CNTN1: variants seen among roughly 807,000 people sequenced by gnomAD.
The protein encoded by CNTN1 is contactin-1.
CNTN1 carries 38 observed loss-of-function variants against 126.4 expected under a neutral mutation model. The ratio of observed to expected loss-of-function variants is 0.30; its 90% CI spans 0.23 to 0.39. The LOEUF (loss-of-function observed/expected upper bound fraction) is 0.39, where lower values mean the gene tolerates loss of function less well. CNTN1 is among the 10% of genes least tolerant of loss of function. The pLI, the probability that CNTN1 is intolerant of heterozygous loss-of-function variation, is 1.00. For synonymous variants in CNTN1, 413 were observed against 422.6 expected (o/e 0.98, Z 0.28); for missense variants, 1,009 against 1,248.4 (o/e 0.81, Z 2.89).
chr12:40,782,547 A>G (rs547591656), intron 1 of CNTN1, among the ~76,000 whole-genome samples: 1 of 151,948 alleles, frequency 6.6e-6, no homozygotes, highest in East Asian at 1.9e-4. Context: ...ACTTTGGATC[A>G]TTTCTAGTGT....
intron 10 of CNTN1, among the ~76,000 whole-genome samples, chr12:40,937,253 T>TA (rs1260834474): frequency 1.3e-5 from 2 of 152,070 alleles, no homozygotes; most frequent in African/African-American, 4.8e-5. Context: ...AGTGAAGCTC[T>TA]AAGTCCTACC....
At chr12:41,049,422 A>C (rs1272287962) in intron 23 of CNTN1, among the ~76,000 whole-genome samples, 2 of 152,186 alleles carry the variant, frequency 1.3e-5, no homozygotes, top group African/African-American at 4.8e-5. Flanking sequence ...AAGTATCTCC[A>C]ATCTTCTTTG....
intron 1 of CNTN1, among the ~76,000 whole-genome samples, chr12:40,877,955 C>A (rs142341601): frequency 1.9e-4 from 28 of 150,610 alleles, no homozygotes; most frequent in African/African-American, 6.6e-4. Flanking sequence ...CTATCTTCAC[C>A]TCTTCCTTCC....
At chr12:40,710,793 A>G (rs1333761128) in intron 1 of CNTN1, among the ~76,000 whole-genome samples, 5 of 152,286 alleles carry the variant, frequency 3.3e-5, no homozygotes, top group South Asian at 2.1e-4. Flanking sequence ...TCTAAAAAGA[A>G]TACTGCAAAA....
intron 1 of CNTN1, among the ~76,000 whole-genome samples, chr12:40,740,647 AT>A (rs1937903706): frequency 6.6e-6 from 1 of 151,974 alleles, no homozygotes; most frequent in Non-Finnish European, 1.5e-5. Context: ...CCCTCCTGAT[AT>A]GGTTTTATTG....
intron 1 of CNTN1, among the ~76,000 whole-genome samples, chr12:40,785,413 C>T (rs1285281074): frequency 1.3e-5 from 2 of 152,124 alleles, no homozygotes; most frequent in Non-Finnish European, 2.9e-5. Context: ...TACTGTCTCA[C>T]CTGTCTGTGT....
At chr12:40,991,466 A>C (rs1354870009) in intron 16 of CNTN1, among the ~76,000 whole-genome samples, 3 of 152,036 alleles carry the variant, frequency 2.0e-5, no homozygotes, top group African/African-American at 7.2e-5. Context: ...GGGTGGAGAA[A>C]GGTACCATTT....
At chr12:40,959,053 T>C in intron 14 of CNTN1, 61 bp from the exon 15 acceptor site, 1 of 1,606,884 alleles carries the variant, frequency 6.2e-7, no homozygotes, top group East Asian at 2.2e-5. Context: ...TCTTGGATCT[T>C]AAATGCCACA....
intron 1 of CNTN1, among the ~76,000 whole-genome samples, chr12:40,800,044 G>A (rs186225481): frequency 2.6e-5 from 4 of 152,106 alleles, no homozygotes; most frequent in African/African-American, 9.6e-5. Flanking sequence ...AGGTGATATA[G>A]TTTGGTTCTG....
At chr12:40,764,374 T>C (rs557093942) in intron 1 of CNTN1, among the ~76,000 whole-genome samples, 6 of 152,214 alleles carry the variant, frequency 3.9e-5, no homozygotes, top group Non-Finnish European at 5.9e-5. Flanking sequence ...AATGCTGAGA[T>C]GAACTAATGG....
chr12:40,796,612 A>G (rs1287886617), intron 1 of CNTN1, among the ~76,000 whole-genome samples: 3 of 152,094 alleles, frequency 2.0e-5, no homozygotes, highest in Non-Finnish European at 2.9e-5. Flanking sequence ...AAATGAAGAC[A>G]TCAAGCTGGA....
At position 40,882,050 on chromosome 12, in the gene CNTN1, G is replaced by A. The variant is rs564087388; in HGVS notation, c.-76-26307G>A. ...GAAGAGATGAAGATAGGAGGATGGG[G>A]GCTTTAATAGGCATCAGATGTTGAG... On this transcript the variant is annotated intron_variant, in intron 1 of 23. Transcript: ENST00000551295. 3.3e-5 allele frequency among the ~76,000 whole-genome samples: 5 copies of A among 151,586 alleles called. No individual in the cohort carries two copies. The East Asian group carries it at 9.7e-4, about 29-fold the overall frequency.
chr12:41,014,204 C>T (rs1229828947), intron 17 of CNTN1, 24 bp from the exon 18 acceptor site: 2 of 1,611,008 alleles, frequency 1.2e-6, no homozygotes, highest in African/African-American at 2.7e-5. Flanking sequence ...TGTTGTTTTG[C>T]ATATATTTGT....
At chr12:40,952,960 A>G (rs11179173) in intron 14 of CNTN1, among the ~76,000 whole-genome samples, 59,897 of 151,986 alleles carry the variant, frequency 0.39, 11,959 homozygotes, top group African/African-American at 0.44. Context: ...TGAATGGAAC[A>G]AATTATTTAA....
chr12:40,972,596 A>T (rs1168353598), intron 15 of CNTN1: 2 of 800,768 alleles, frequency 2.5e-6, no homozygotes, highest in Non-Finnish European at 3.0e-6. Context: ...TTTATTAGTC[A>T]TCATAAAGAA....
At chr12:40,844,477 C>G (rs1942427101) in intron 1 of CNTN1, among the ~76,000 whole-genome samples, 1 of 152,042 alleles carries the variant, frequency 6.6e-6, no homozygotes, top group African/African-American at 2.4e-5. Flanking sequence ...ATATGAATGC[C>G]TTTAAGCAAA....
At chr12:41,055,864 C>T (rs1949791047) in intron 23 of CNTN1, among the ~76,000 whole-genome samples, 2 of 152,136 alleles carry the variant, frequency 1.3e-5, no homozygotes, top group African/African-American at 4.8e-5. Context: ...CACACAGGGA[C>T]ATTACAGCCA....
intron 3 of CNTN1, among the ~76,000 whole-genome samples, chr12:40,917,818 C>A (rs781444141): frequency 1.3e-5 from 2 of 152,082 alleles, no homozygotes; most frequent in Admixed American, 1.3e-4. Flanking sequence ...GGAGAATAGA[C>A]CATGAGGAAT....
At chr12:40,735,781 C>A (rs1937648586) in intron 1 of CNTN1, among the ~76,000 whole-genome samples, 1 of 152,050 alleles carries the variant, frequency 6.6e-6, no homozygotes, top group Non-Finnish European at 1.5e-5. Context: ...CACAGCCAGC[C>A]AAATGCAAAC....
Sources: gnomAD v4.1 joint callset for allele counts (sites outside exome capture counted in the v4.1 genomes callset) on GRCh38, gnomAD v4.1.1 for gene constraint, MANE v1.5 for transcripts, NCBI Gene and HGNC (gene_info 2026-07-23, HGNC 2026-07-21) for gene names.